GNRHR: variants seen among roughly 807,000 people sequenced by gnomAD.
GNRHR encodes the protein gonadotropin releasing hormone receptor, also known as gonadotropin-releasing hormone receptor.
A neutral mutation model predicts 28.1 loss-of-function variants in GNRHR; 14 were observed. That is an observed-to-expected ratio of 0.50 (90% CI 0.33 to 0.78). The LOEUF (loss-of-function observed/expected upper bound fraction) is 0.78, where lower values mean the gene tolerates loss of function less well. Among genes scored for constraint, GNRHR ranks in the 30% least tolerant of loss-of-function variants. The probability of loss-of-function intolerance (pLI) is 0.02; values close to 1 mark genes in which losing one functional copy is unlikely to be tolerated. For synonymous variants in GNRHR, 141 were observed against 140.5 expected (o/e 1.00, Z -0.02); for missense variants, 366 against 382.1 (o/e 0.96, Z 0.35).
chr4:67,749,925 C>T (rs72848588), intron 1 of GNRHR, among the ~76,000 whole-genome samples: 55 of 152,056 alleles, frequency 3.6e-4, no homozygotes, highest in African/African-American at 1.2e-3. Context: ...TCTTAAAGAA[C>T]CAACAATTCC....
At chr4:67,747,534 T>C (rs1331211911) in intron 1 of GNRHR, 1 of 152,122 alleles carries the variant, frequency 6.6e-6, no homozygotes, top group African/African-American at 2.4e-5. Context: ...TGAGTTCTAC[T>C]ATAAGATTCT....
At chr4:67,749,216 C>T (rs1179847580) in intron 1 of GNRHR, among the ~76,000 whole-genome samples, 2 of 152,082 alleles carry the variant, frequency 1.3e-5, no homozygotes, top group African/African-American at 4.8e-5. Context: ...CATTCTACAC[C>T]AGTAAATTCT....
chr4:67,748,668 TAACA>T (rs1454802883), intron 1 of GNRHR, among the ~76,000 whole-genome samples: 2 of 151,550 alleles, frequency 1.3e-5, no homozygotes, highest in East Asian at 3.9e-4. Flanking sequence ...TATACATATG[TAACA>T]AACCTGCACG....
rs1023699758 is a variant in GNRHR, at chr4:67,753,928, G to A, written c.408C>T (p.Ser136=). The A allele has an allele frequency of 6.2e-7, 1 of 1,614,000 alleles. No homozygotes were observed. Among genetic ancestry groups the A allele is most frequent in the East Asian group, 2.2e-5 (1 of 44,880 alleles). Residue 136 remains serine, a synonymous_variant, in exon 1 of 3, where the codon AGC becomes AGT. Transcript: ENST00000226413. ...TCGTGATAGCCAGGGAGCGGTCCAG[G>A]CTGATCACCACCATCATGAAGGCTG... The part of the protein sequence containing the change: ...YAPAFMMVVI[S]LDRSLAITRP...
intron 1 of GNRHR, among the ~76,000 whole-genome samples, chr4:67,748,585 T>A (rs1158838276): frequency 6.6e-6 from 1 of 152,032 alleles, no homozygotes. Context: ...TATTGCAGTG[T>A]TCACTGGGCA....
chr4:67,744,888 A>G (rs1731727879), intron 1 of GNRHR, 101 bp from the exon 2 acceptor site: 6 of 698,194 alleles, frequency 8.6e-6, no homozygotes, highest in African/African-American at 5.3e-5. Flanking sequence ...ACCTAAAGCA[A>G]TTTCTAAGCT....
Position 67,744,644 on chromosome 4 carries a change from G to A in GNRHR, c.666C>T (p.Ile222=), listed in dbSNP as rs377457276. 1.6e-4 allele frequency: 262 copies of A among 1,613,286 alleles called. No individual in the cohort carries two copies. Among genetic ancestry groups the A allele is most frequent in the Non-Finnish European group, 2.2e-4 (254 of 1,179,330 alleles). ...NFFTFSCLFI[I]PLFIMLICNA... is the part of the protein sequence containing the mutation. Reference sequence around the variant, plus strand: ...TGCAGATCAGCATGATGAAAAGAGGGATGATGAAGAGGCAGCTGAAGGTGA... The same window carrying A: ...TGCAGATCAGCATGATGAAAAGAGGAATGATGAAGAGGCAGCTGAAGGTGA... The change falls in exon 2 of 3, where the codon ATC becomes ATT. Residue 222 remains isoleucine (I), a synonymous_variant. Coordinates refer to ENST00000226413, the MANE Select transcript of GNRHR (RefSeq NM_000406.3).
At chr4:67,752,428 G>T (rs1267150736) in intron 1 of GNRHR, among the ~76,000 whole-genome samples, 1 of 151,196 alleles carries the variant, frequency 6.6e-6, no homozygotes, top group Admixed American at 6.6e-5. Flanking sequence ...TCCCTATATT[G>T]CCCAGTCTGG....
At chr4:67,747,558 G>A (rs1386505801) in intron 1 of GNRHR, among the ~76,000 whole-genome samples, 1 of 152,012 alleles carries the variant, frequency 6.6e-6, no homozygotes, top group Non-Finnish European at 1.5e-5. Context: ...AAGATGGGTA[G>A]TGCGTGGTTC....
rs1458647559 is a variant in GNRHR, at chr4:67,739,140, C to T, written c.*1340G>A. Among the ~76,000 whole-genome samples the T allele has an allele frequency of 3.3e-5, 5 of 151,846 alleles. No homozygotes were observed. The highest frequency in any genetic ancestry group is 2.6e-4 in the Admixed American group (4 of 15,210). The stretch of plus-strand genomic sequence containing the variant: ...TTTCTTTTAAGACTCTTATGTTTTT[C>T]ACATTAAATGGGTATTATACTCCCA... On this transcript the variant is annotated 3_prime_UTR_variant, in exon 3 of 3. Transcript: ENST00000226413.
chr4:67,753,798 G>T lies in GNRHR; in HGVS notation c.522+16C>A. On this transcript the variant is annotated intron_variant, in intron 1 of 2. Transcript: ENST00000226413. ...ATGATCACCATATCCAAATAAGTTTGTGTATAATGGCTTACCTGTGGTCCT... is the reference window on the plus strand; with the variant it reads ...ATGATCACCATATCCAAATAAGTTTTTGTATAATGGCTTACCTGTGGTCCT... 6.3e-7 allele frequency: 1 copy of T among 1,599,364 alleles called. No homozygotes were observed. The highest frequency in any genetic ancestry group is 8.6e-7 in the Non-Finnish European group (1 of 1,167,962).
chr4:67,745,291 A>C (rs1306104487), intron 1 of GNRHR, among the ~76,000 whole-genome samples: 2 of 149,884 alleles, frequency 1.3e-5, no homozygotes, highest in African/African-American at 4.9e-5. Flanking sequence ...AAAACAAAAC[A>C]AAAAAAAACA....
intron 1 of GNRHR, chr4:67,751,857 C>T (rs1731874755): frequency 6.6e-6 from 1 of 152,108 alleles, no homozygotes; most frequent in South Asian, 2.1e-4. Context: ...CAGTCATGTC[C>T]TAAAGCAAAT....
Position 67,740,557 on chromosome 4 carries a change from C to T in GNRHR, c.910G>A (p.Val304Ile). 2 of 1,607,166 alleles carry T rather than the reference C, an allele frequency of 1.2e-6. No homozygotes were observed. The highest frequency in any genetic ancestry group is 1.7e-6 in the Non-Finnish European group (2 of 1,173,714). The change falls in exon 3 of 3, where the codon GTA (valine) becomes ATA (isoleucine). Residue 304 changes from valine (V) to isoleucine (I), a missense_variant. By Grantham distance (29) the Val-to-Ile change is conservative. Coordinates refer to ENST00000226413, the MANE Select transcript of GNRHR (RefSeq NM_000406.3). ...PEMLNRLSDPVNHFFFLFAFL... is the reference protein window; with the variant it reads ...PEMLNRLSDPINHFFFLFAFL... ...GCAAAGAGAAAGAAGAAGTGATTTACTGGGTCTGACAACCTGTTTAACATT... is the reference window on the plus strand; with the variant it reads ...GCAAAGAGAAAGAAGAAGTGATTTATTGGGTCTGACAACCTGTTTAACATT...
Position 67,754,261 on chromosome 4 carries a change from C to G in GNRHR, c.75G>C (p.Gln25His), listed in dbSNP as rs780661119. The G allele has an allele frequency of 1.2e-6, 2 of 1,613,486 alleles. No individual in the cohort carries two copies. The highest frequency in any genetic ancestry group is 2.7e-5 in the African/African-American group (2 of 74,904). ...SAINNSIPLM[Q>H]GNLPTLTLSG... ...ACAAGGTCAGAGTGGGGAGGTTGCC[C>G]TGCATCAGTGGGATGCTGTTGTTGA... Residue 25 changes from glutamine (Q) to histidine (H), a missense_variant, in exon 1 of 3, where the codon CAG becomes CAC. Physicochemically the swap from Gln to His is conservative, Grantham distance 24. Transcript: ENST00000226413.
At chr4:67,747,410 T>G (rs935014730) in intron 1 of GNRHR, 1 of 153,298 alleles carries the variant, frequency 6.5e-6, no homozygotes. Flanking sequence ...ATGCCAGTTT[T>G]GAGGAGAGAT....
rs550581215 is a variant in GNRHR, at chr4:67,737,483, T to C, written c.*2997A>G. 2.0e-5 allele frequency among the ~76,000 whole-genome samples: 3 copies of C among 152,114 alleles called. No individual in the cohort carries two copies. Among genetic ancestry groups the C allele is most frequent in the African/African-American group, 7.2e-5 (3 of 41,562 alleles). On this transcript the variant is annotated 3_prime_UTR_variant, in exon 3 of 3. Coordinates refer to ENST00000226413, the MANE Select transcript of GNRHR (RefSeq NM_000406.3). Reference sequence around the variant, plus strand: ...GAAAGTGGACCACAGGTAAAATAGATGGAGTTCTAGAAGTATTTTAACTGC... The same window carrying C: ...GAAAGTGGACCACAGGTAAAATAGACGGAGTTCTAGAAGTATTTTAACTGC...
rs1469096906 is a variant in GNRHR, at chr4:67,737,301, A to G, written c.*3179T>C. Among the ~76,000 whole-genome samples, 1 of 152,092 alleles carries G rather than the reference A, an allele frequency of 6.6e-6. No individual in the cohort carries two copies. Among genetic ancestry groups the G allele is most frequent in the African/African-American group, 2.4e-5 (1 of 41,452 alleles). On this transcript the variant is annotated 3_prime_UTR_variant, in exon 3 of 3. Coordinates refer to ENST00000226413, the MANE Select transcript of GNRHR (RefSeq NM_000406.3). ...TATGCATACATTTTATATAACTTTTAAAGTTAGACTAATTGTTTTAAACTT... is the reference window on the plus strand; with the variant it reads ...TATGCATACATTTTATATAACTTTTGAAGTTAGACTAATTGTTTTAAACTT...
In GNRHR at chr4:67,753,986, A is replaced by C. The variant is rs727505367; in HGVS notation, c.350T>G (p.Leu117Arg). The change falls in exon 1 of 3, where the codon CTC becomes CGC. Residue 117 changes from leucine to arginine, a missense_variant. Coordinates refer to ENST00000226413, the MANE Select transcript of GNRHR (RefSeq NM_000406.3). Reference sequence around the variant, plus strand: ...CATGGAGAAAAGCTTTAGATAACTGAGAACTTTGCAGAGTAACTCTCCAGC... The same window carrying C: ...CATGGAGAAAAGCTTTAGATAACTGCGAACTTTGCAGAGTAACTCTCCAGC... ...WYAGELLCKV[L>R]SYLKLFSMYA... 8.1e-6 allele frequency: 13 copies of C among 1,613,912 alleles called. No homozygotes were observed. Among genetic ancestry groups the C allele is most frequent in the Non-Finnish European group, 1.0e-5 (12 of 1,179,888 alleles).
Sources: gnomAD v4.1 joint callset for allele counts (sites outside exome capture counted in the v4.1 genomes callset) on GRCh38, gnomAD v4.1.1 for gene constraint, MANE v1.5 for transcripts, NCBI Gene and HGNC (gene_info 2026-07-23, HGNC 2026-07-21) for gene names.